The following NTNG1 variants were observed in gnomAD, a reference collection of about 807,000 sequenced individuals.
NTNG1 encodes netrin-G1.
Under a neutral mutation model 54.0 loss-of-function variants are expected in NTNG1, and 16 were observed. That is an observed-to-expected ratio of 0.30 (90% CI 0.20 to 0.45). NTNG1 has a LOEUF of 0.45. Ranked by LOEUF, NTNG1 falls within the 20% of genes least tolerant of loss-of-function variation. The pLI, the probability that NTNG1 is intolerant of heterozygous loss-of-function variation, is 1.00. For missense variants in NTNG1, 530 were observed against 678.7 expected, an observed-to-expected ratio of 0.78 and a Z score of 2.43; for synonymous variants, 255 against 263.1, an observed-to-expected ratio of 0.97 and a Z score of 0.30.
rs184411034 is a variant in NTNG1 at position 107,473,333 on chromosome 1, G to T, written c.1391-7278G>T. On this transcript the variant is annotated intron_variant, in intron 7 of 7. Coordinates refer to ENST00000370068, the MANE Select transcript of NTNG1 (RefSeq NM_001113226.3). ...CCAGAGAAAAGAAAACTTCCCTTTG[G>T]TAGTGGAATGGATCATCATGACCTT... Among the ~76,000 whole-genome samples the T allele has an allele frequency of 9.2e-5, 14 of 152,292 alleles. No homozygotes were observed. In the East Asian group the frequency reaches 2.7e-3, roughly 29 times the overall value.
At chr1:107,327,347 A>G (rs2101887497) in intron 3 of NTNG1, among the ~76,000 whole-genome samples, 1 of 152,236 alleles carries the variant, frequency 6.6e-6, no homozygotes, top group African/African-American at 2.4e-5. Context: ...TCTGCTGATG[A>G]TGGAGCCAGT....
intron 2 of NTNG1, among the ~76,000 whole-genome samples, chr1:107,306,401 T>C (rs1392597881): frequency 6.6e-6 from 1 of 152,208 alleles, no homozygotes; most frequent in Non-Finnish European, 1.5e-5. Context: ...TACCTTCATG[T>C]GGCTCATGGC....
At chr1:107,326,653 G>A (rs918760684) in intron 3 of NTNG1, among the ~76,000 whole-genome samples, 4 of 151,854 alleles carry the variant, frequency 2.6e-5, no homozygotes, top group Admixed American at 6.6e-5. Flanking sequence ...TACATTGCTC[G>A]GTAGATTCAT....
intron 3 of NTNG1, among the ~76,000 whole-genome samples, chr1:107,335,630 T>C (rs1177964042): frequency 1.3e-5 from 2 of 151,996 alleles, no homozygotes; most frequent in African/African-American, 4.8e-5. Context: ...AGTGGTGGAA[T>C]TGTGAGTAAT....
chr1:107,216,040 C>CT (rs1032755581), intron 2 of NTNG1, among the ~76,000 whole-genome samples: 13 of 152,020 alleles, frequency 8.6e-5, no homozygotes, highest in African/African-American at 3.1e-4. Context: ...TTCTGGAAGC[C>CT]TTTTGGATGA....
At chr1:107,171,338 A>T (rs1317019073) in intron 2 of NTNG1, among the ~76,000 whole-genome samples, 1 of 151,978 alleles carries the variant, frequency 6.6e-6, no homozygotes, top group African/African-American at 2.4e-5. Flanking sequence ...CTCATTTTCC[A>T]TGTCCATTCT....
rs1557878548 is a variant in NTNG1 at position 107,297,251 on chromosome 1, A to ATATG, written c.247-27031_247-27030insTATG. Among the ~76,000 whole-genome samples the ATATG allele has an allele frequency of 8.6e-4, 121 of 140,338 alleles. 1 individual carries two copies. The highest frequency in any genetic ancestry group is 2.9e-3 in the African/African-American group (111 of 37,702). The allele number at this position is 140,338 out of a possible 152,430, so 92.1% of individuals were successfully genotyped here. A position where few individuals can be genotyped will look rare whatever the true frequency, so the allele number is the denominator to read the frequency against. ...TATATATATATATATATATATGCGC[A>ATATG]CACACACACACACACAGCAGTTAAG... On this transcript the variant is annotated intron_variant, in intron 2 of 7. Transcript: ENST00000370068.
At chr1:107,144,065 A>G (rs916109857) in intron 1 of NTNG1, among the ~76,000 whole-genome samples, 25 of 152,122 alleles carry the variant, frequency 1.6e-4, no homozygotes, top group Non-Finnish European at 3.5e-4. Flanking sequence ...GAGACAGTTA[A>G]CAAAAGGATA....
chr1:107,423,971 C>T (rs934917547), intron 5 of NTNG1, among the ~76,000 whole-genome samples: 4 of 151,998 alleles, frequency 2.6e-5, no homozygotes, highest in Non-Finnish European at 5.9e-5. Flanking sequence ...TTTTTCAGTG[C>T]TTAGTGTATG....
chr1:107,356,285 GAATA>G (rs1468169286), intron 3 of NTNG1, among the ~76,000 whole-genome samples: 2 of 152,222 alleles, frequency 1.3e-5, no homozygotes, highest in Non-Finnish European at 2.9e-5. Flanking sequence ...TTGAATGAAT[GAATA>G]AATTTATTTA....
chr1:107,480,802 A>T lies in NTNG1; in HGVS notation c.1582A>T (p.Thr528Ser). Reference sequence around the variant, plus strand: ...CGGCTCCCCAGCGCTGCTGCTGCTGACCACGCTGCTGGGAACCGCCAGCCC... The same window carrying T: ...CGGCTCCCCAGCGCTGCTGCTGCTGTCCACGCTGCTGGGAACCGCCAGCCC... The part of the protein sequence containing the change: ...PHGSPALLLL[T>S]TLLGTASPLV... Residue 528 changes from threonine (T) to serine (S), a missense_variant, in exon 8 of 8, where the codon ACC becomes TCC. Physicochemically the swap from Thr to Ser is moderately conservative, Grantham distance 58. Around this residue, in one of 2 missense-constraint regions of NTNG1, gnomAD observed 212 missense variants for 213.6 expected, o/e 0.99. Coordinates refer to ENST00000370068, the MANE Select transcript of NTNG1 (RefSeq NM_001113226.3). The T allele has an allele frequency of 6.3e-7, 1 of 1,584,858 alleles. No individual in the cohort carries two copies. The highest frequency in any genetic ancestry group is 2.3e-5 in the East Asian group (1 of 43,650).
intron 3 of NTNG1, among the ~76,000 whole-genome samples, chr1:107,353,421 C>G (rs1344252242): frequency 6.6e-6 from 1 of 152,202 alleles, no homozygotes; most frequent in Non-Finnish European, 1.5e-5. Context: ...TTTTTGCTAA[C>G]ACATAACAAA....
rs1557892012 is a variant in NTNG1, at chr1:107,314,539, T to C, written c.247-9743T>C. Among the ~76,000 whole-genome samples, 5 of 152,224 alleles carry C rather than the reference T, an allele frequency of 3.3e-5. No individual in the cohort carries two copies. In the South Asian group the frequency reaches 1.0e-3, roughly 31 times the overall value. On this transcript the variant is annotated intron_variant, in intron 2 of 7. Coordinates refer to ENST00000370068, the MANE Select transcript of NTNG1 (RefSeq NM_001113226.3). Reference sequence around the variant, plus strand: ...TAAATGAGTGAGTATTGCCTACATATATGAGTTAACATAGGACACTGTCCT... The same window carrying C: ...TAAATGAGTGAGTATTGCCTACATACATGAGTTAACATAGGACACTGTCCT...
At chr1:107,471,081 C>T (rs557466076) in intron 7 of NTNG1, among the ~76,000 whole-genome samples, 2 of 152,132 alleles carry the variant, frequency 1.3e-5, no homozygotes, top group African/African-American at 4.8e-5. Context: ...GCAGTTTTTT[C>T]TATGGTTTGG....
At chr1:107,464,402 C>T (rs577663614) in intron 7 of NTNG1, among the ~76,000 whole-genome samples, 61 of 152,130 alleles carry the variant, frequency 4.0e-4, no homozygotes, top group Admixed American at 9.8e-4. Flanking sequence ...AAAAGATTTG[C>T]CTAGTTGGGG....
chr1:107,260,397 A>T (rs1044731957), intron 2 of NTNG1, among the ~76,000 whole-genome samples: 5 of 152,186 alleles, frequency 3.3e-5, no homozygotes, highest in Non-Finnish European at 7.3e-5. Context: ...GGACAATGGG[A>T]TCCCCATTTC....
intron 7 of NTNG1, among the ~76,000 whole-genome samples, chr1:107,468,794 G>T (rs1255375757): frequency 1.3e-5 from 2 of 152,154 alleles, no homozygotes; most frequent in Non-Finnish European, 2.9e-5. Flanking sequence ...AATACATTTT[G>T]CTTAATGAAA....
At chr1:107,315,600 G>A (rs1240174041) in intron 2 of NTNG1, among the ~76,000 whole-genome samples, 3 of 152,060 alleles carry the variant, frequency 2.0e-5, no homozygotes, top group African/African-American at 7.2e-5. Context: ...TTAGGGCCTG[G>A]CATTTGTTAC....
At chr1:107,302,976 T>C (rs1302335097) in intron 2 of NTNG1, among the ~76,000 whole-genome samples, 4 of 152,198 alleles carry the variant, frequency 2.6e-5, no homozygotes, top group Non-Finnish European at 2.9e-5. Context: ...CAATACGTAG[T>C]GTAAATATTT....
Sources: allele counts gnomAD v4.1 joint callset (sites outside exome capture counted in the v4.1 genomes callset), GRCh38; gene constraint gnomAD v4.1.1; regional missense constraint gnomAD v4.1.1; transcripts MANE v1.5; gene names NCBI Gene and HGNC (gene_info 2026-07-23, HGNC 2026-07-21).